ZNF423: variants seen among roughly 807,000 people sequenced by gnomAD.
ZNF423 encodes the protein zinc finger protein 423, also known as Ebf-associated zinc finger protein.
Under a neutral mutation model 95.8 loss-of-function variants are expected in ZNF423, and 12 were observed. The ratio of observed to expected loss-of-function variants is 0.13; its 90% CI spans 0.08 to 0.20. The LOEUF (loss-of-function observed/expected upper bound fraction) is 0.20. ZNF423 is among the 10% of genes least tolerant of loss of function. The pLI is 1.00. For missense variants in ZNF423, 1,316 were observed against 1,737.1 expected (o/e 0.76, Z 4.31); for synonymous variants, 749 against 711.9 (o/e 1.05, Z -0.83).
intron 5 of ZNF423, among the ~76,000 whole-genome samples, chr16:49,534,659 C>A (rs1471162646): frequency 6.6e-6 from 1 of 152,214 alleles, no homozygotes; most frequent in Non-Finnish European, 1.5e-5. Context: ...TAGAACCCTG[C>A]TCCTCTTTCA....
intron 2 of ZNF423, among the ~76,000 whole-genome samples, chr16:49,778,376 CCAGG>C (rs2034155459): frequency 1.3e-5 from 2 of 152,230 alleles, no homozygotes; most frequent in Admixed American, 1.3e-4. Context: ...CCAACACACG[CCAGG>C]TGGTGTGGTC....
intron 3 of ZNF423, among the ~76,000 whole-genome samples, chr16:49,659,127 C>T (rs1567272443): frequency 1.3e-5 from 2 of 152,238 alleles, no homozygotes; most frequent in African/African-American, 2.4e-5. Context: ...CCCACTCTGT[C>T]GCCCAGGCTG....
chr16:49,742,958 C>T (rs1239385728), intron 2 of ZNF423, among the ~76,000 whole-genome samples: 1 of 152,148 alleles, frequency 6.6e-6, no homozygotes, highest in African/African-American at 2.4e-5. Flanking sequence ...CAGGCATCAT[C>T]GCTGTGCATT....
chr16:49,715,609 G>A (rs575346762), intron 3 of ZNF423, among the ~76,000 whole-genome samples: 1 of 152,284 alleles, frequency 6.6e-6, no homozygotes, highest in South Asian at 2.1e-4. Context: ...GCTGGGCATG[G>A]TGGTGTGCAC....
At chr16:49,575,135 G>A (rs969286232) in intron 5 of ZNF423, among the ~76,000 whole-genome samples, 2 of 152,072 alleles carry the variant, frequency 1.3e-5, no homozygotes, top group Non-Finnish European at 2.9e-5. Context: ...AGAAGAAAGT[G>A]GCTCATTCAC....
intron 3 of ZNF423, among the ~76,000 whole-genome samples, chr16:49,686,161 G>A (rs1176599413): frequency 6.6e-6 from 1 of 152,200 alleles, no homozygotes; most frequent in Non-Finnish European, 1.5e-5. Context: ...CACAGGGGGA[G>A]AGTCCAGGCC....
chr16:49,646,574 C>CTTT lies in ZNF423; in HGVS notation c.302-7703_302-7701dup, dbSNP rs71380366. Among the ~76,000 whole-genome samples the CTTT allele has an allele frequency of 3.5e-4, 41 of 118,008 alleles. 2 individuals are homozygous for CTTT. The highest frequency in any genetic ancestry group is 8.3e-4 in the African/African-American group (28 of 33,576). The allele number at this position is 118,008 out of a possible 152,430, so 77.4% of individuals were successfully genotyped here. ...TTATGGCACATTTTCTTTTCTTTTT[C>CTTT]TTTTTTTTTTTTTTGAGAAGGAGTC... On this transcript the variant is annotated intron_variant, in intron 3 of 7. Transcript: ENST00000563137.
chr16:49,537,771 G>A (rs1271175483), intron 5 of ZNF423, among the ~76,000 whole-genome samples: 1 of 152,124 alleles, frequency 6.6e-6, no homozygotes, highest in Non-Finnish European at 1.5e-5. Context: ...CCAGTGCTCG[G>A]CCTTTCTCTC....
At chr16:49,754,136 G>A (rs2033682898) in intron 2 of ZNF423, among the ~76,000 whole-genome samples, 1 of 152,116 alleles carries the variant, frequency 6.6e-6, no homozygotes. Flanking sequence ...AAAGAAACGG[G>A]GAGAAGTTTG....
At chr16:49,648,552 TGAGGC>T (rs764296266) in intron 3 of ZNF423, among the ~76,000 whole-genome samples, 59 of 151,754 alleles carry the variant, frequency 3.9e-4, no homozygotes, top group Middle Eastern at 3.4e-3. Flanking sequence ...TTCAGGAGGC[TGAGGC>T]AGGAGAATCG....
intron 1 of ZNF423, among the ~76,000 whole-genome samples, chr16:49,848,537 C>G (rs2035269338): frequency 6.6e-6 from 1 of 152,112 alleles, no homozygotes; most frequent in Admixed American, 6.5e-5. Flanking sequence ...GCCCCTGGTC[C>G]CTGCTCCAAA....
intron 5 of ZNF423, among the ~76,000 whole-genome samples, chr16:49,581,756 T>C (rs993020270): frequency 6.6e-6 from 1 of 152,214 alleles, no homozygotes; most frequent in African/African-American, 2.4e-5. Flanking sequence ...TCTTGGGTGA[T>C]GAAAAGTAAC....
At chr16:49,670,227 G>A (rs1397812732) in intron 3 of ZNF423, among the ~76,000 whole-genome samples, 1 of 152,218 alleles carries the variant, frequency 6.6e-6, no homozygotes, top group Non-Finnish European at 1.5e-5. Context: ...GCGGCCACCT[G>A]GCTCGGCACC....
At chr16:49,830,238 G>A (rs1263358279) in intron 1 of ZNF423, among the ~76,000 whole-genome samples, 2 of 152,122 alleles carry the variant, frequency 1.3e-5, no homozygotes, top group Admixed American at 6.5e-5. Flanking sequence ...TCTCAGTCAC[G>A]GGGAAAGCCA....
In ZNF423 at chr16:49,639,715, C is replaced by T. The variant is rs543421211; in HGVS notation, c.302-841G>A. Among the ~76,000 whole-genome samples the T allele has an allele frequency of 3.9e-5, 6 of 152,284 alleles. No homozygotes were observed. In the South Asian group the frequency reaches 1.0e-3, roughly 26 times the overall value. On this transcript the variant is annotated intron_variant, in intron 3 of 7. Coordinates refer to ENST00000563137, the MANE Select transcript of ZNF423 (RefSeq NM_001379286.1). The stretch of plus-strand genomic sequence containing the variant: ...GAAGGCCACAGAGCTCAGACCCAGG[C>T]GGACCCTTAACCCCACTGCAAAGGC...
intron 1 of ZNF423, among the ~76,000 whole-genome samples, chr16:49,798,183 C>G (rs1209520013): frequency 6.6e-6 from 1 of 152,162 alleles, no homozygotes; most frequent in Non-Finnish European, 1.5e-5. Flanking sequence ...GCACTTCAGC[C>G]TGGGTGATAC....
At position 49,712,811 on chromosome 16, in the gene ZNF423, G is replaced by C. The variant is rs149902354; in HGVS notation, c.301+17960C>G. On this transcript the variant is annotated intron_variant, in intron 3 of 7. Transcript: ENST00000563137. ...GATGGAAATACATAATGAACAAAGA[G>C]GCTCCGCGGATGCATCCTTGACCTT... Among the ~76,000 whole-genome samples, 261 of 152,332 alleles carry C rather than the reference G, an allele frequency of 1.7e-3. 1 individual carries two copies. Among genetic ancestry groups the C allele is most frequent in the African/African-American group, 5.7e-3 (239 of 41,578 alleles).
rs118133416 is a variant in ZNF423 at position 49,535,010 on chromosome 16, T to C, written c.3602-9516A>G. 4.6e-3 allele frequency among the ~76,000 whole-genome samples: 697 copies of C among 152,300 alleles called. 3 individuals are homozygous for C. The highest frequency in any genetic ancestry group is 0.013 in the South Asian group (65 of 4,832). On this transcript the variant is annotated intron_variant, in intron 5 of 7. Coordinates refer to ENST00000563137, the MANE Select transcript of ZNF423 (RefSeq NM_001379286.1). ...TTCTTCTTGCTTCTCTCTCTTGAAA[T>C]TCCCTGAGATTTTCATGAAGGTCAG...
chr16:49,581,227 T>C (rs1970665341), intron 5 of ZNF423, among the ~76,000 whole-genome samples: 2 of 152,206 alleles, frequency 1.3e-5, no homozygotes, highest in African/African-American at 4.8e-5. Flanking sequence ...CTCCTCTCTT[T>C]TCCATGGCTG....
Sources: allele counts gnomAD v4.1 joint callset (sites outside exome capture counted in the v4.1 genomes callset), GRCh38; gene constraint gnomAD v4.1.1; transcripts MANE v1.5; gene names NCBI Gene and HGNC (gene_info 2026-07-23, HGNC 2026-07-21).